SLC9A6: variants seen among roughly 807,000 people sequenced by gnomAD.
SLC9A6 encodes the protein solute carrier family 9 member A6.
In SLC9A6, 6 loss-of-function variants were observed where a neutral mutation model predicts 45.3. That is an observed-to-expected ratio of 0.13 (90% confidence interval 0.07 to 0.26). SLC9A6 has a LOEUF of 0.26. Ranked by LOEUF, SLC9A6 falls within the 10% of genes least tolerant of loss-of-function variation. The probability of loss-of-function intolerance (pLI) is 1.00; values close to 1 mark genes in which losing one functional copy is unlikely to be tolerated. For missense variants in SLC9A6, 278 were observed against 503.7 expected (o/e 0.55, Z 4.29); for synonymous variants, 191 against 187.7 (o/e 1.02, Z -0.14).
chrX:135,986,516 G>A (rs1217615855), intron 2 of SLC9A6, among the ~76,000 whole-genome samples: 5 of 111,285 alleles, frequency 4.5e-5, no homozygotes, highest in Non-Finnish European at 7.5e-5. Context: ...AAGTGAGGAC[G>A]AGGAAGAGTT....
rs183287753 is a variant in SLC9A6, at chrX:135,995,570, C to T, written c.369+585C>T. ...AACTCCTGACCTCAAGTGAATCCCC[C>T]GCCTCGGCCTCCCAAAGTGCTGGGA... On this transcript the variant is annotated intron_variant, in intron 3 of 17. Transcript: ENST00000630721. Among the ~76,000 whole-genome samples the T allele has an allele frequency of 3.2e-4, 36 of 111,877 alleles. No individual in the cohort carries two copies. The East Asian group carries it at 8.1e-3, about 25-fold the overall frequency.
At chrX:136,000,846 A>C (rs1025987455) in intron 6 of SLC9A6, among the ~76,000 whole-genome samples, 10 of 111,087 alleles carry the variant, frequency 9.0e-5, no homozygotes, top group African/African-American at 3.3e-4. Flanking sequence ...TATACTGGAC[A>C]TGGTGGCTCA....
At chrX:136,013,497 T>A (rs73226739) in intron 10 of SLC9A6, 60 bp downstream of exon 10, 2 of 825,440 alleles carry the variant, frequency 2.4e-6, no homozygotes, top group Non-Finnish European at 3.6e-6. Context: ...AATAGAAGTC[T>A]TTTTTACTAA....
chrX:135,979,569 C>G (rs2089277413), intron 1 of SLC9A6, among the ~76,000 whole-genome samples: 1 of 111,721 alleles, frequency 9.0e-6, no homozygotes, highest in Non-Finnish European at 1.9e-5. Context: ...AGTCATCTCT[C>G]AGTTCTTCTT....
At chrX:136,020,692 A>G (rs2148184557) in intron 11 of SLC9A6, among the ~76,000 whole-genome samples, 1 of 112,117 alleles carries the variant, frequency 8.9e-6, no homozygotes. Flanking sequence ...TTATATCAAT[A>G]TGGATTCACT....
chrX:136,035,615 C>T (rs1556621721), intron 16 of SLC9A6, among the ~76,000 whole-genome samples: 1 of 111,735 alleles, frequency 8.9e-6, no homozygotes, highest in African/African-American at 3.3e-5. Flanking sequence ...TTGGTTCTAG[C>T]TTTTGGCTAT....
intron 2 of SLC9A6, among the ~76,000 whole-genome samples, chrX:135,994,131 G>A (rs1314731643): frequency 9.3e-6 from 1 of 107,674 alleles, no homozygotes; most frequent in Non-Finnish European, 1.9e-5. Context: ...TTGAGACAGG[G>A]TTTCACTTTG....
chrX:135,995,603 C>T (rs1556616386), intron 3 of SLC9A6, among the ~76,000 whole-genome samples: 2 of 112,528 alleles, frequency 1.8e-5, no homozygotes. Flanking sequence ...GGATTACAGG[C>T]ATGAGCCACT....
At position 136,021,670 on chromosome X, in the gene SLC9A6, G is replaced by A. The variant is rs148007105; in HGVS notation, c.1195-916G>A. ...GCCACCAGAGTAGCTGGGATTACAG[G>A]TGTACACCACCACACCCGGCTCATT... On this transcript the variant is annotated intron_variant, in intron 11 of 17. Coordinates refer to ENST00000630721, the MANE Select transcript of SLC9A6 (RefSeq NM_001379110.1). Among the ~76,000 whole-genome samples, 543 of 111,664 alleles carry A rather than the reference G, an allele frequency of 4.9e-3. 3 individuals carry two copies. The highest frequency in any genetic ancestry group is 0.016 in the African/African-American group (476 of 30,679).
At chrX:135,993,402 A>C (rs1556616024) in intron 2 of SLC9A6, among the ~76,000 whole-genome samples, 1 of 112,086 alleles carries the variant, frequency 8.9e-6, no homozygotes, top group African/African-American at 3.2e-5. Context: ...ACTAAAGACC[A>C]CTGAATTGTA....
chrX:136,041,425 CT>C (rs1386094677), intron 17 of SLC9A6, among the ~76,000 whole-genome samples: 1 of 111,920 alleles, frequency 8.9e-6, no homozygotes, highest in Non-Finnish European at 1.9e-5. Context: ...CATCCTACGG[CT>C]TTGTGTTATG....
chrX:136,012,076 C>T (rs1269490051), intron 8 of SLC9A6, among the ~76,000 whole-genome samples: 3 of 112,114 alleles, frequency 2.7e-5, no homozygotes, highest in South Asian at 3.7e-4. Flanking sequence ...GGCGACAGTG[C>T]GAGACTCCGT....
At chrX:135,998,253 CTT>C (rs2148150065) in intron 4 of SLC9A6, 68 bp downstream of exon 4, 3 of 702,572 alleles carry the variant, frequency 4.3e-6, no homozygotes, top group Admixed American at 2.3e-5. Context: ...ATATTTGACA[CTT>C]CAGAAATGGG....
Position 135,975,067 on chromosome X carries a change from G to A in SLC9A6, c.-57+284G>A, listed in dbSNP as rs371208836. 7.9e-4 allele frequency: 104 copies of A among 131,645 alleles called. 1 individual carries two copies. The highest frequency in any genetic ancestry group is 3.2e-3 in the African/African-American group (101 of 31,524). 10.8% of individuals were successfully genotyped at this position (131,645 alleles called of 1,213,427 possible). A position where few individuals can be genotyped will look rare whatever the true frequency, so the allele number is the denominator to read the frequency against. On this transcript the variant is annotated intron_variant, in intron 1 of 16. Transcript: ENST00000636092. ...GGGAGCTCACCCATTCATTCCCACC[G>A]CTTCAGCCAGCAAAGGTATTACAGT...
chrX:135,993,215 A>G lies in SLC9A6; in HGVS notation c.170-1571A>G, dbSNP rs183673877. Among the ~76,000 whole-genome samples the G allele has an allele frequency of 1.7e-3, 190 of 112,029 alleles. 1 individual carries two copies. The highest frequency in any genetic ancestry group is 5.9e-3 in the African/African-American group (182 of 30,822). On this transcript the variant is annotated intron_variant, in intron 2 of 17. Transcript: ENST00000630721. ...ATATTGTAGGAGTTCATTTATATGA[A>G]ATGTCTAGAAAAGACAGGTCCATAA... is the stretch of plus-strand genomic sequence containing the variant.
At chrX:135,998,413 A>G (rs2089534745) in intron 4 of SLC9A6, 69 bp from the exon 5 acceptor site, 4 of 779,664 alleles carry the variant, frequency 5.1e-6, no homozygotes, top group Admixed American at 6.4e-5. Context: ...TTAGCATAGC[A>G]TAGAAAACCT....
chrX:136,005,338 T>C (rs1556617827), intron 7 of SLC9A6, among the ~76,000 whole-genome samples: 1 of 112,554 alleles, frequency 8.9e-6, no homozygotes, highest in Non-Finnish European at 1.9e-5. Flanking sequence ...ATTGAAAGAT[T>C]TTAAGCTTGG....
chrX:135,974,959 A>G lies in SLC9A6; in HGVS notation c.-57+176A>G, dbSNP rs923769518. 7.3e-5 allele frequency: 17 copies of G among 233,630 alleles called. No individual in the cohort carries two copies. The East Asian group carries it at 1.8e-3, about 25-fold the overall frequency. 19.3% of individuals were successfully genotyped at this position (233,630 alleles called of 1,213,427 possible). On this transcript the variant is annotated intron_variant, in intron 1 of 16. Transcript: ENST00000636092. The stretch of plus-strand genomic sequence containing the variant: ...GGGTAAAATGTATACTCCTCTGCCC[A>G]TTTTTCTTTGTCTTCATCTCCTGAA...
chrX:136,042,727 G>T (rs375377615), intron 17 of SLC9A6, among the ~76,000 whole-genome samples: 2 of 110,968 alleles, frequency 1.8e-5, no homozygotes, highest in African/African-American at 6.6e-5. Context: ...GATTATAATA[G>T]GCATATTGTC....
Sources: gnomAD v4.1 joint callset for allele counts (sites outside exome capture counted in the v4.1 genomes callset) on GRCh38, gnomAD v4.1.1 for gene constraint, MANE v1.5 for transcripts, NCBI Gene and HGNC (gene_info 2026-07-23, HGNC 2026-07-21) for gene names.